PRKD2: variants seen among roughly 807,000 people sequenced by gnomAD.
PRKD2 encodes the protein protein kinase D2, also known as serine/threonine-protein kinase D2.
In PRKD2, 22 loss-of-function variants were observed where a neutral mutation model predicts 86.0. That is an observed-to-expected ratio of 0.26 (90% CI 0.18 to 0.37). The LOEUF (loss-of-function observed/expected upper bound fraction) is 0.37. Ranked by LOEUF, PRKD2 falls within the 10% of genes least tolerant of loss-of-function variation. The pLI, the probability that PRKD2 is intolerant of heterozygous loss-of-function variation, is 1.00. For synonymous variants in PRKD2, 509 were observed against 510.9 expected (o/e 1.00, Z 0.05); for missense variants, 818 against 1,199.2 (o/e 0.68, Z 4.70).
chr19:46,704,806 T>C (rs555774187), intron 3 of PRKD2, among the ~76,000 whole-genome samples, 157 bp from the exon 4 acceptor site: 6 of 152,118 alleles, frequency 3.9e-5, no homozygotes, highest in African/African-American at 1.4e-4. Flanking sequence ...TCCGTAAGTG[T>C]ATCAGCCCCT....
chr19:46,679,348 A>AC (rs2053261522), intron 15 of PRKD2, among the ~76,000 whole-genome samples: 1 of 152,318 alleles, frequency 6.6e-6, no homozygotes, highest in South Asian at 2.1e-4. Flanking sequence ...AACAAAAAAA[A>AC]CATGAAACAT....
chr19:46,696,393 G>A (rs2053557574), intron 9 of PRKD2, among the ~76,000 whole-genome samples: 1 of 152,166 alleles, frequency 6.6e-6, no homozygotes, highest in South Asian at 2.1e-4. Context: ...CCAGGTGGAA[G>A]ACAGTGGCTG....
chr19:46,675,093 CA>C lies in PRKD2; in HGVS notation c.2363del (p.Leu788ArgfsTer3). 1 of 1,611,520 alleles carries C rather than the reference CA, an allele frequency of 6.2e-7. No individual in the cohort carries two copies. Among genetic ancestry groups the C allele is most frequent in the Non-Finnish European group, 8.5e-7 (1 of 1,178,694 alleles). On this transcript the variant is annotated frameshift_variant, in exon 17 of 18. Coordinates refer to ENST00000291281, the MANE Select transcript of PRKD2 (RefSeq NM_016457.5). LOFTEE classifies it high-confidence loss of function. ...TGTAGCGTTTGCGCATCTTCACCTG[CA>C]GCAGGTTGTTGATGAGGTCAATGGC... ...AGAIDLINNL[L>X]QVKMRKRYSV...
Position 46,697,825 on chromosome 19 carries a change from T to G in PRKD2, c.1147A>C (p.Arg383=). 6.2e-7 allele frequency: 1 copy of G among 1,613,786 alleles called. No homozygotes were observed. The highest frequency in any genetic ancestry group is 8.5e-7 in the Non-Finnish European group (1 of 1,179,850). ...QSSLGYIPLM[R]VVQSVRHTTR... ...GTGTGTCGCACCGATTGCACCACCC[T>G]CATTAGGGGGATGTACCCCAGGGAG... Residue 383 remains arginine, a synonymous_variant, in exon 8 of 18, where the codon AGG becomes CGG. Transcript: ENST00000291281.
chr19:46,704,920 C>T (rs981565870), intron 3 of PRKD2, among the ~76,000 whole-genome samples: 1 of 145,290 alleles, frequency 6.9e-6, no homozygotes, highest in African/African-American at 2.6e-5. Flanking sequence ...CCCCTTTTCT[C>T]ACTCCAACAA....
rs1380716739 is a variant in PRKD2, at chr19:46,694,071, C to T, written c.1380G>A (p.Pro460=). ...ESAQNFSLVP[P]GTNPHCFEIV... is the part of the protein sequence containing the mutation. ...TCTCAAAGCAGTGTGGGTTGGTGCC[C>T]GGCGGCACAAGGCTGAAGTTCTGGG... Residue 460 remains proline, a synonymous_variant, in exon 10 of 18, where the codon CCG becomes CCA. Transcript: ENST00000291281. The T allele has an allele frequency of 3.7e-6, 6 of 1,614,132 alleles. No individual in the cohort carries two copies. Among genetic ancestry groups the T allele is most frequent in the Admixed American group, 1.7e-5 (1 of 60,020 alleles).
At chr19:46,679,495 C>A (rs760634591) in intron 15 of PRKD2, among the ~76,000 whole-genome samples, 7 of 152,180 alleles carry the variant, frequency 4.6e-5, no homozygotes, top group Non-Finnish European at 8.8e-5. Context: ...TTTCTCCAGG[C>A]CTTGATTTTG....
At position 46,711,518 on chromosome 19, in the gene PRKD2, G is replaced by C. The variant is rs996315417; in HGVS notation, c.380-480C>G. 1.1e-4 allele frequency among the ~76,000 whole-genome samples: 17 copies of C among 151,944 alleles called. 1 individual carries two copies. The highest frequency in any genetic ancestry group is 3.4e-3 in the Middle Eastern group (1 of 294). The stretch of plus-strand genomic sequence containing the variant: ...AGCAGTTCTCCTGCCTCAGCCTCCA[G>C]AGTAGCTGGGATTACAGGCATGCGC... On this transcript the variant is annotated intron_variant, in intron 2 of 17. Transcript: ENST00000291281.
chr19:46,694,299 T>A (rs1216000322), intron 9 of PRKD2, among the ~76,000 whole-genome samples, 166 bp from the exon 10 acceptor site: 1 of 152,216 alleles, frequency 6.6e-6, no homozygotes, highest in African/African-American at 2.4e-5. Context: ...TGTTCTTTTA[T>A]AATTACTGGC....
chr19:46,681,952 T>C (rs1408798708), intron 14 of PRKD2, among the ~76,000 whole-genome samples: 1 of 151,838 alleles, frequency 6.6e-6, no homozygotes. Context: ...GTGATTCTCC[T>C]GCCTCAGCCT....
At chr19:46,681,837 T>A in intron 14 of PRKD2, 89 bp from the exon 15 acceptor site, 6 of 657,324 alleles carry the variant, frequency 9.1e-6, no homozygotes, top group East Asian at 3.0e-5. Context: ...AACCCATCCA[T>A]ACTTTTTTTT....
chr19:46,704,287 C>T lies in PRKD2; in HGVS notation c.771G>A (p.Leu257=). ...TGTGCGGCACCTTGACCTTGGAGAGCAGCATCTTGTCCAGCTCAATGGGGC... is the reference window on the plus strand; with the variant it reads ...TGTGCGGCACCTTGACCTTGGAGAGTAGCATCTTGTCCAGCTCAATGGGGC... ...TGRPIELDKM[L]LSKVKVPHTF... is the part of the protein sequence containing the mutation. The change falls in exon 5 of 18, where the codon CTG becomes CTA. Residue 257 remains leucine, a synonymous_variant. Transcript: ENST00000291281. 1.2e-6 allele frequency: 2 copies of T among 1,614,238 alleles called. No individual in the cohort carries two copies. Among genetic ancestry groups the T allele is most frequent in the African/African-American group, 1.3e-5 (1 of 75,056 alleles).
chr19:46,695,756 G>C (rs1459783923), intron 9 of PRKD2, among the ~76,000 whole-genome samples: 6 of 152,190 alleles, frequency 3.9e-5, no homozygotes, highest in Non-Finnish European at 7.4e-5. Flanking sequence ...AGAGAGGAAA[G>C]AATGAATGAC....
chr19:46,714,480 G>T (rs1568740574), intron 1 of PRKD2: 1 of 154,164 alleles, frequency 6.5e-6, no homozygotes, highest in Non-Finnish European at 1.4e-5. Context: ...GGGAAAGTGG[G>T]GGGGGGGGCC....
intron 13 of PRKD2, 57 bp from the exon 14 acceptor site, chr19:46,689,755 G>T: frequency 1.3e-6 from 2 of 1,595,990 alleles, no homozygotes; most frequent in Non-Finnish European, 8.6e-7. Flanking sequence ...AGACCCCAAC[G>T]GGTCAGGTAT....
chr19:46,712,175 T>C (rs551717785), intron 2 of PRKD2, among the ~76,000 whole-genome samples: 2 of 148,630 alleles, frequency 1.3e-5, no homozygotes, highest in South Asian at 4.3e-4. Flanking sequence ...GTCTGGGAGG[T>C]AGAGGCTGCA....
intron 2 of PRKD2, among the ~76,000 whole-genome samples, chr19:46,713,156 C>G (rs1008958981): frequency 6.0e-5 from 9 of 148,854 alleles, no homozygotes; most frequent in Admixed American, 2.7e-4. Context: ...GTAGCTGAGA[C>G]TACAGACGTG....
At chr19:46,684,082 G>A (rs966718279) in intron 14 of PRKD2, among the ~76,000 whole-genome samples, 1 of 152,072 alleles carries the variant, frequency 6.6e-6, no homozygotes, top group African/African-American at 2.4e-5. Context: ...TTGTGTATCT[G>A]TCTCAGAGTT....
In PRKD2 at chr19:46,716,318, C is replaced by A. The variant is rs752789164; in HGVS notation, c.53G>T (p.Gly18Val). Residue 18 changes from glycine to valine, a missense_variant, in exon 1 of 18, where the codon GGG (glycine) becomes GTG (valine). This residue lies in a region of PRKD2 where 403 missense variants were observed against 518.6 expected (regional missense o/e 0.78). Coordinates refer to ENST00000291281, the MANE Select transcript of PRKD2 (RefSeq NM_016457.5). The surrounding 1 kb of genome is among the most constrained non-coding windows in gnomAD (Gnocchi z 7.9). ...TAGGCCGCCGGGGGGCGGAGGAGACCCCGGCCCGGGAGAGCCAGGGAGCCC... is the reference window on the plus strand; with the variant it reads ...TAGGCCGCCGGGGGGCGGAGGAGACACCGGCCCGGGAGAGCCAGGGAGCCC... ...PAGLPGSPGP[G>V]SPPPPGGLEL... 14 of 1,504,432 alleles carry A rather than the reference C, an allele frequency of 9.3e-6. No individual in the cohort carries two copies. The African/African-American group carries it at 1.9e-4, about 20-fold the overall frequency. 93.2% of individuals were successfully genotyped at this position (1,504,432 alleles called of 1,614,324 possible). A position where few individuals can be genotyped will look rare whatever the true frequency, so the allele number is the denominator to read the frequency against.
Sources: gnomAD v4.1 joint callset for allele counts (sites outside exome capture counted in the v4.1 genomes callset) on GRCh38, gnomAD v4.1.1 for gene constraint, gnomAD v4.1.1 regional missense constraint, Gnocchi (gnomAD v3.1) non-coding constraint, MANE v1.5 for transcripts, NCBI Gene and HGNC (gene_info 2026-07-23, HGNC 2026-07-21) for gene names.